BAIAP2L1: variants seen among roughly 807,000 people sequenced by gnomAD.
BAIAP2L1 encodes the protein BAR/IMD domain-containing adapter protein 2-like 1.
Under a neutral mutation model 66.3 loss-of-function variants are expected in BAIAP2L1, and 35 were observed. The observed-to-expected ratio is 0.53, with a 90% CI of 0.40 to 0.70. The LOEUF (loss-of-function observed/expected upper bound fraction) is 0.70, where lower values mean the gene tolerates loss of function less well. BAIAP2L1 is among the 30% of genes least tolerant of loss of function. BAIAP2L1 has a pLI of 0.00. For synonymous variants in BAIAP2L1, 269 were observed against 248.7 expected (o/e 1.08, Z -0.77); for missense variants, 622 against 656.9 (o/e 0.95, Z 0.58).
chr7:98,340,198 CACTT>C (rs1159798743), intron 3 of BAIAP2L1, among the ~76,000 whole-genome samples: 1 of 152,214 alleles, frequency 6.6e-6, no homozygotes, highest in African/African-American at 2.4e-5. Flanking sequence ...TTCAGGTTGA[CACTT>C]AGGATGTGCC....
intron 3 of BAIAP2L1, among the ~76,000 whole-genome samples, chr7:98,341,667 T>C (rs926581550): frequency 9.2e-5 from 14 of 152,174 alleles, no homozygotes; most frequent in Non-Finnish European, 1.9e-4. Context: ...TTACTGCCTT[T>C]GTACCTCAGT....
chr7:98,297,431 T>TTTTTTAAAC, intron 12 of BAIAP2L1, among the ~76,000 whole-genome samples: 1 of 152,142 alleles, frequency 6.6e-6, no homozygotes, highest in East Asian at 1.9e-4. Context: ...CTGGTGGCCC[T>TTTTTTAAAC]CACTGCAGAG....
At position 98,293,475 on chromosome 7, in the gene BAIAP2L1, C is replaced by T. The variant is rs374411124; in HGVS notation, c.*46G>A. 231 of 1,568,820 alleles carry T rather than the reference C, an allele frequency of 1.5e-4. No individual in the cohort carries two copies. The highest frequency in any genetic ancestry group is 1.9e-4 in the Non-Finnish European group (216 of 1,140,748). Reference sequence around the variant, plus strand: ...GGCAGACAGGATGCGCCCATCATTCCGCAAGGGAGAACCGGAGAGGCCCGG... The same window carrying T: ...GGCAGACAGGATGCGCCCATCATTCTGCAAGGGAGAACCGGAGAGGCCCGG... On this transcript the variant is annotated 3_prime_UTR_variant, in exon 14 of 14. Coordinates refer to ENST00000005260, the MANE Select transcript of BAIAP2L1 (RefSeq NM_018842.5).
chr7:98,378,973 G>T (rs1802695559), intron 1 of BAIAP2L1, among the ~76,000 whole-genome samples: 1 of 152,182 alleles, frequency 6.6e-6, no homozygotes, highest in South Asian at 2.1e-4. Flanking sequence ...GGGACTACAG[G>T]CGTCTGCCAC....
At chr7:98,319,982 C>G (rs1801198739) in intron 5 of BAIAP2L1, 76 bp downstream of exon 5, 1 of 1,181,072 alleles carries the variant, frequency 8.5e-7, no homozygotes, top group East Asian at 2.3e-5. Context: ...GATGAGTCAA[C>G]AGTGGGAACG....
chr7:98,327,386 A>G (rs1292607587), intron 3 of BAIAP2L1, among the ~76,000 whole-genome samples: 1 of 148,930 alleles, frequency 6.7e-6, no homozygotes, highest in Non-Finnish European at 1.5e-5. Flanking sequence ...ATAAATAAAT[A>G]AATAAAGCCA....
At chr7:98,294,964 T>C (rs1414507825) in intron 12 of BAIAP2L1, among the ~76,000 whole-genome samples, 4 of 152,202 alleles carry the variant, frequency 2.6e-5, no homozygotes, top group African/African-American at 9.7e-5. Flanking sequence ...CACTCTTTCC[T>C]GCCTGCACAC....
At position 98,337,235 on chromosome 7, in the gene BAIAP2L1, A is replaced by ATT. The variant is rs60826557; in HGVS notation, c.215-16939_215-16938dup. 3.9e-3 allele frequency among the ~76,000 whole-genome samples: 536 copies of ATT among 138,808 alleles called. 3 individuals carry two copies. The highest frequency in any genetic ancestry group is 0.012 in the African/African-American group (441 of 37,674). 91.1% of individuals were successfully genotyped at this position (138,808 alleles called of 152,430 possible). A position where few individuals can be genotyped will look rare whatever the true frequency, so the allele number is the denominator to read the frequency against. On this transcript the variant is annotated intron_variant, in intron 3 of 13. Coordinates refer to ENST00000005260, the MANE Select transcript of BAIAP2L1 (RefSeq NM_018842.5). ...GACCCAATTCTGGTTTTCAGATACC[A>ATT]TTTTTTTTTTTTTTTTGAAAGAGTC...
chr7:98,306,934 A>G (rs771199701), intron 10 of BAIAP2L1: 42 of 168,724 alleles, frequency 2.5e-4, no homozygotes, highest in Admixed American at 4.0e-4. Flanking sequence ...TTTTTTTTCC[A>G]TATTGGTTTT....
chr7:98,362,992 T>C (rs988624733), intron 1 of BAIAP2L1, among the ~76,000 whole-genome samples: 2 of 151,322 alleles, frequency 1.3e-5, no homozygotes, highest in Non-Finnish European at 2.9e-5. Context: ...GACACAGGCC[T>C]GCCTGGAAAC....
chr7:98,294,100 G>A lies in BAIAP2L1; in HGVS notation c.1434C>T (p.Asn478=), dbSNP rs547173009. 7.1e-5 allele frequency: 114 copies of A among 1,614,044 alleles called. No homozygotes were observed. The highest frequency in any genetic ancestry group is 1.1e-4 in the South Asian group (10 of 91,082). ...KPETAAPNDA[N]GTAKPPFLSG... ...TGAGAAAAGGCGGCTTTGCAGTCCC[G>A]TTGGCATCGTTCTGTGAGAAAGATA... is the stretch of plus-strand genomic sequence containing the variant. The change falls in exon 13 of 14, where the codon AAC becomes AAT. Residue 478 remains asparagine, a synonymous_variant. Coordinates refer to ENST00000005260, the MANE Select transcript of BAIAP2L1 (RefSeq NM_018842.5).
At chr7:98,320,878 A>T (rs1269084194) in intron 3 of BAIAP2L1, among the ~76,000 whole-genome samples, 1 of 151,608 alleles carries the variant, frequency 6.6e-6, no homozygotes, top group Non-Finnish European at 1.5e-5. Flanking sequence ...GTTTTTTGAG[A>T]CAGGGTCTGG....
At chr7:98,375,349 C>CCA (rs1186973028) in intron 1 of BAIAP2L1, among the ~76,000 whole-genome samples, 2 of 150,854 alleles carry the variant, frequency 1.3e-5, no homozygotes, top group South Asian at 4.2e-4. Context: ...AGCCGACATC[C>CCA]GGCCACTGCA....
chr7:98,345,406 G>A (rs1801846327), intron 3 of BAIAP2L1, among the ~76,000 whole-genome samples: 1 of 152,080 alleles, frequency 6.6e-6, no homozygotes, highest in African/African-American at 2.4e-5. Context: ...TTTCTCCAAA[G>A]AAGATATGCA....
In BAIAP2L1 at chr7:98,304,308, G is replaced by A; in HGVS notation, c.1310C>T (p.Pro437Leu). 1 of 1,613,550 alleles carries A rather than the reference G, an allele frequency of 6.2e-7. No homozygotes were observed. The highest frequency in any genetic ancestry group is 8.5e-7 in the Non-Finnish European group (1 of 1,179,714). ...SENSSVVIPP[P>L]DYLECLSMGA... ...CATGGACAAGCATTCCAAGTAGTCGGGTGGGGGGATGACAACACTGCTATT... is the reference window on the plus strand; with the variant it reads ...CATGGACAAGCATTCCAAGTAGTCGAGTGGGGGGATGACAACACTGCTATT... The change falls in exon 12 of 14, where the codon CCC (proline) becomes CTC (leucine). Residue 437 changes from proline to leucine, a missense_variant. Physicochemically the swap from Pro to Leu is moderately conservative, Grantham distance 98 (BLOSUM62 -3). Coordinates refer to ENST00000005260, the MANE Select transcript of BAIAP2L1 (RefSeq NM_018842.5).
intron 3 of BAIAP2L1, among the ~76,000 whole-genome samples, chr7:98,333,345 C>A (rs1028279769): frequency 7.2e-5 from 11 of 151,804 alleles, no homozygotes; most frequent in Admixed American, 2.0e-4. Flanking sequence ...CACCTATAAT[C>A]CCAGCACTTT....
At chr7:98,399,027 T>C (rs1037806550) in intron 1 of BAIAP2L1, among the ~76,000 whole-genome samples, 1 of 152,202 alleles carries the variant, frequency 6.6e-6, no homozygotes, top group Non-Finnish European at 1.5e-5. Context: ...CACTACTTAC[T>C]TTCCAGGTCT....
chr7:98,381,053 T>A (rs1442361242), intron 1 of BAIAP2L1, among the ~76,000 whole-genome samples: 1 of 152,182 alleles, frequency 6.6e-6, no homozygotes, highest in Non-Finnish European at 1.5e-5. Context: ...GCAAAGCATT[T>A]ATGCCTATGG....
intron 2 of BAIAP2L1, among the ~76,000 whole-genome samples, chr7:98,355,708 T>C (rs1421999011): frequency 6.6e-6 from 1 of 152,052 alleles, no homozygotes; most frequent in African/African-American, 2.4e-5. Flanking sequence ...CTACTCTGGG[T>C]GACACAGCCA....
Sources: gnomAD v4.1 joint callset for allele counts (sites outside exome capture counted in the v4.1 genomes callset) on GRCh38, gnomAD v4.1.1 for gene constraint, MANE v1.5 for transcripts, NCBI Gene and HGNC (gene_info 2026-07-23, HGNC 2026-07-21) for gene names.